Variants in GALNT13 observed in about 807,000 individuals in gnomAD.
The protein encoded by GALNT13 is UDP-GalNAc:polypeptide N-acetylgalactosaminyltransferase 13.
GALNT13 carries 28 observed loss-of-function variants against 64.2 expected under a neutral mutation model. The ratio of observed to expected loss-of-function variants is 0.44; its 90% CI spans 0.32 to 0.60. The LOEUF (loss-of-function observed/expected upper bound fraction) is 0.60, where lower values mean the gene tolerates loss of function less well. Ranked by LOEUF, GALNT13 falls within the 20% of genes least tolerant of loss-of-function variation. The pLI, the probability that GALNT13 is intolerant of heterozygous loss-of-function variation, is 0.05. For missense variants in GALNT13, 577 were observed against 669.8 expected (o/e 0.86, Z 1.53); for synonymous variants, 214 against 224.6 (o/e 0.95, Z 0.42).
Position 154,450,489 on chromosome 2 carries a change from C to G in GALNT13, c.1609C>G (p.Gln537Glu). 6.2e-7 allele frequency: 1 copy of G among 1,612,676 alleles called. No homozygotes were observed. The highest frequency in any genetic ancestry group is 8.5e-7 in the Non-Finnish European group (1 of 1,179,142). Residue 537 changes from glutamine (Q) to glutamate (E), a missense_variant, in exon 13 of 13, where the codon CAG (glutamine) becomes GAG (glutamate). Physicochemically the swap from Gln to Glu is conservative, Grantham distance 29 (BLOSUM62 2). Around this residue, in one of 3 missense-constraint regions of GALNT13, gnomAD observed 232 missense variants for 270.6 expected, o/e 0.86. Coordinates refer to ENST00000392825, the MANE Select transcript of GALNT13 (RefSeq NM_052917.4). ...AGAAGACAAAATGGTGCCTACAATG[C>G]AGGACTGTAGTGGAAGCAGATCCCA... ...SEEDKMVPTM[Q>E]DCSGSRSQQW...
chr2:153,187,730 C>G, the GALNT13 span, among the ~76,000 whole-genome samples: 5 of 152,172 alleles, frequency 3.3e-5, no homozygotes, highest in Non-Finnish European at 5.9e-5. Flanking sequence ...AAAATCTACT[C>G]TTCTATTCCT....
At chr2:153,815,632 C>A in the GALNT13 span, among the ~76,000 whole-genome samples, 1 of 152,090 alleles carries the variant, frequency 6.6e-6, no homozygotes, top group Non-Finnish European at 1.5e-5. Context: ...AGGTGCAGGC[C>A]TAGTCATTAG....
intron 1 of GALNT13, among the ~76,000 whole-genome samples, chr2:153,887,766 C>G (rs1395989322): frequency 6.6e-6 from 1 of 151,904 alleles, no homozygotes; most frequent in Non-Finnish European, 1.5e-5. Context: ...GTTATTTGAT[C>G]TGCTTTGACT....
At chr2:153,540,271 G>C in the GALNT13 span, among the ~76,000 whole-genome samples, 1 of 152,236 alleles carries the variant, frequency 6.6e-6, no homozygotes, top group Non-Finnish European at 1.5e-5. Flanking sequence ...CCAAGCCTTG[G>C]CAGCTTCCAT....
At chr2:154,002,218 T>G (rs1695958653) in intron 3 of GALNT13, among the ~76,000 whole-genome samples, 1 of 152,180 alleles carries the variant, frequency 6.6e-6, no homozygotes, top group African/African-American at 2.4e-5. Flanking sequence ...ATTCTCCATA[T>G]TTGGAAAGTT....
intron 4 of GALNT13, among the ~76,000 whole-genome samples, chr2:154,169,719 C>A (rs1685248172): frequency 6.6e-6 from 1 of 152,166 alleles, no homozygotes. Context: ...TGCTCACTGG[C>A]AGCACTCCGG....
chr2:153,714,502 C>T, the GALNT13 span, among the ~76,000 whole-genome samples: 19 of 152,270 alleles, frequency 1.2e-4, no homozygotes, highest in African/African-American at 4.6e-4. Flanking sequence ...CTCTGCCAAC[C>T]ATATTTCTCA....
chr2:154,437,965 A>T (rs767642787), intron 11 of GALNT13: 17 of 195,000 alleles, frequency 8.7e-5, no homozygotes, highest in Non-Finnish European at 6.5e-5. Context: ...GAATTATCTA[A>T]CAAAGAGTCC....
intron 3 of GALNT13, among the ~76,000 whole-genome samples, chr2:154,114,664 G>A (rs1397333358): frequency 2.0e-5 from 3 of 152,150 alleles, no homozygotes; most frequent in Non-Finnish European, 4.4e-5. Flanking sequence ...GAAATTGATT[G>A]AGGGGCCATG....
At chr2:154,062,878 T>A (rs1700266082) in intron 3 of GALNT13, among the ~76,000 whole-genome samples, 1 of 151,912 alleles carries the variant, frequency 6.6e-6, no homozygotes, top group Non-Finnish European at 1.5e-5. Context: ...TTTGGCTTTA[T>A]GTTTGTTTTA....
the GALNT13 span, among the ~76,000 whole-genome samples, chr2:153,248,391 T>A: frequency 6.6e-6 from 1 of 152,144 alleles, no homozygotes; most frequent in African/African-American, 2.4e-5. Flanking sequence ...ATCCCTGGGG[T>A]GCAAGGCTGG....
the GALNT13 span, among the ~76,000 whole-genome samples, chr2:153,086,503 G>A: frequency 4.6e-5 from 7 of 152,106 alleles, no homozygotes; most frequent in East Asian, 1.9e-4. Flanking sequence ...GAAATCTGAC[G>A]GTTTCCCTGC....
chr2:154,315,723 T>G (rs1694283710), intron 9 of GALNT13, among the ~76,000 whole-genome samples: 1 of 152,240 alleles, frequency 6.6e-6, no homozygotes, highest in African/African-American at 2.4e-5. Flanking sequence ...ACAAATTGAT[T>G]TAACTGGAGT....
intron 9 of GALNT13, among the ~76,000 whole-genome samples, chr2:154,386,960 CCTGTGTGACAGCT>C: frequency 6.6e-6 from 1 of 152,202 alleles, no homozygotes; most frequent in South Asian, 2.1e-4. Flanking sequence ...TAATCCTCTT[CCTGTGTGACAGCT>C]CTGTGCAGAA....
chr2:153,199,140 GC>G, the GALNT13 span, among the ~76,000 whole-genome samples: 7 of 152,208 alleles, frequency 4.6e-5, no homozygotes, highest in Non-Finnish European at 8.8e-5. Context: ...TCTTGGGTCG[GC>G]CCTGGTTCTT....
chr2:153,402,938 A>G, the GALNT13 span, among the ~76,000 whole-genome samples: 2 of 152,184 alleles, frequency 1.3e-5, no homozygotes, highest in East Asian at 1.9e-4. Flanking sequence ...CGTCAAAGTC[A>G]TTCTCCATCC....
intron 3 of GALNT13, among the ~76,000 whole-genome samples, chr2:154,007,382 A>G (rs553240918): frequency 1.3e-5 from 2 of 152,186 alleles, no homozygotes; most frequent in East Asian, 3.9e-4. Flanking sequence ...AGCTGATGGC[A>G]TTGATAAACT....
At chr2:154,305,290 A>G (rs1442914350) in intron 9 of GALNT13, among the ~76,000 whole-genome samples, 1 of 151,956 alleles carries the variant, frequency 6.6e-6, no homozygotes, top group African/African-American at 2.4e-5. Context: ...TTGTAAAGAG[A>G]GAATCTGGTG....
At chr2:153,734,611 G>A in the GALNT13 span, among the ~76,000 whole-genome samples, 2 of 152,098 alleles carry the variant, frequency 1.3e-5, no homozygotes, top group African/African-American at 4.8e-5. Flanking sequence ...TAATATTTTC[G>A]ATTGGCTGCA....
Sources: allele counts gnomAD v4.1 joint callset (sites outside exome capture counted in the v4.1 genomes callset), GRCh38; gene constraint gnomAD v4.1.1; regional missense constraint gnomAD v4.1.1; transcripts MANE v1.5; gene names NCBI Gene and HGNC (gene_info 2026-07-23, HGNC 2026-07-21).